The following DDX10 variants were observed in gnomAD, a reference collection of about 807,000 sequenced individuals.
The protein encoded by DDX10 is probable ATP-dependent RNA helicase DDX10.
Under a neutral mutation model 104.3 loss-of-function variants are expected in DDX10, and 74 were observed. The observed-to-expected ratio is 0.71, with a 90% CI of 0.59 to 0.86. DDX10 has a LOEUF of 0.86. Ranked by LOEUF, DDX10 falls within the 40% of genes least tolerant of loss-of-function variation. The pLI is 0.00. For synonymous variants in DDX10, 351 were observed against 353.4 expected (o/e 0.99, Z 0.08); for missense variants, 952 against 1,040.0 (o/e 0.92, Z 1.16).
intron 13 of DDX10, among the ~76,000 whole-genome samples, chr11:108,757,218 TG>T (rs1411474764): frequency 1.3e-5 from 2 of 152,074 alleles, no homozygotes; most frequent in Non-Finnish European, 2.9e-5. Flanking sequence ...CCTCTCTCTC[TG>T]CAAGAAATGT....
At chr11:108,772,672 C>T (rs1370271910) in intron 13 of DDX10, among the ~76,000 whole-genome samples, 1 of 152,212 alleles carries the variant, frequency 6.6e-6, no homozygotes, top group African/African-American at 2.4e-5. Flanking sequence ...AACCAGGCCA[C>T]ACAGCAGAAG....
At chr11:108,776,343 A>G (rs193224807) in intron 13 of DDX10, among the ~76,000 whole-genome samples, 3 of 152,278 alleles carry the variant, frequency 2.0e-5, no homozygotes, top group Middle Eastern at 3.4e-3. Context: ...GGAGGATTAT[A>G]CAGATATCTG....
chr11:108,794,981 C>T (rs1049484918), intron 13 of DDX10, among the ~76,000 whole-genome samples: 2 of 152,114 alleles, frequency 1.3e-5, no homozygotes, highest in Non-Finnish European at 2.9e-5. Flanking sequence ...GCATGTGCCA[C>T]TGTGCCTGGC....
intron 12 of DDX10, 149 bp from the exon 13 acceptor site, chr11:108,722,848 A>G (rs1378416645): frequency 1.3e-5 from 16 of 1,276,686 alleles, no homozygotes; most frequent in African/African-American, 6.0e-5. Flanking sequence ...TTTTGGATCA[A>G]CTAACCTGTT....
intron 13 of DDX10, among the ~76,000 whole-genome samples, chr11:108,747,084 A>G (rs2624128): frequency 0.12 from 18,703 of 152,142 alleles, 1,556 homozygotes; most frequent in East Asian, 0.27. Context: ...TTGAACATGT[A>G]TGTAAAGGGG....
chr11:108,784,401 A>G (rs1861758950), intron 13 of DDX10, among the ~76,000 whole-genome samples: 1 of 151,964 alleles, frequency 6.6e-6, no homozygotes, highest in Admixed American at 6.6e-5. Flanking sequence ...GCCCTCCTGA[A>G]CACCCGCTTG....
At chr11:108,738,013 T>C (rs1010984261) in intron 13 of DDX10, among the ~76,000 whole-genome samples, 2 of 152,140 alleles carry the variant, frequency 1.3e-5, no homozygotes, top group African/African-American at 4.8e-5. Flanking sequence ...AATTTCAAAA[T>C]GTTTGATATG....
At chr11:108,713,701 G>A (rs959341707) in intron 10 of DDX10, among the ~76,000 whole-genome samples, 5 of 152,076 alleles carry the variant, frequency 3.3e-5, no homozygotes, top group African/African-American at 9.7e-5. Context: ...CTTTTAGTAT[G>A]TCTTGTAATG....
At chr11:108,797,981 C>G (rs989975578) in intron 13 of DDX10, among the ~76,000 whole-genome samples, 3 of 152,194 alleles carry the variant, frequency 2.0e-5, no homozygotes, top group African/African-American at 7.2e-5. Flanking sequence ...AAACCGCAGT[C>G]TCCTCTTCGA....
At chr11:108,755,381 G>A (rs1591810078) in intron 13 of DDX10, among the ~76,000 whole-genome samples, 1 of 151,878 alleles carries the variant, frequency 6.6e-6, no homozygotes, top group Non-Finnish European at 1.5e-5. Flanking sequence ...TATCTTTTTG[G>A]TTATGATTTG....
At chr11:108,687,038 G>A (rs571681930) in intron 6 of DDX10, among the ~76,000 whole-genome samples, 26 of 152,294 alleles carry the variant, frequency 1.7e-4, no homozygotes, top group Non-Finnish European at 3.5e-4. Flanking sequence ...GCCTGCCTCA[G>A]CCTCCCAAAG....
intron 13 of DDX10, among the ~76,000 whole-genome samples, chr11:108,761,274 T>C (rs2094350533): frequency 6.6e-6 from 1 of 152,130 alleles, no homozygotes; most frequent in African/African-American, 2.4e-5. Context: ...AAAGGAAGCC[T>C]GCCTCTGTTT....
At chr11:108,722,413 T>A (rs905430293) in intron 12 of DDX10, among the ~76,000 whole-genome samples, 1 of 152,350 alleles carries the variant, frequency 6.6e-6, no homozygotes, top group South Asian at 2.1e-4. Context: ...CAATATTTTT[T>A]AATTTCTTTT....
At chr11:108,851,374 C>T (rs1234703715) in intron 15 of DDX10, among the ~76,000 whole-genome samples, 1 of 152,038 alleles carries the variant, frequency 6.6e-6, no homozygotes, top group Non-Finnish European at 1.5e-5. Context: ...GTCTGCTAAT[C>T]CTCAAAATCA....
intron 6 of DDX10, among the ~76,000 whole-genome samples, chr11:108,688,333 C>A (rs2094247486): frequency 6.6e-6 from 1 of 152,112 alleles, no homozygotes; most frequent in South Asian, 2.1e-4. Flanking sequence ...ACCATAAATA[C>A]CTTATACCAA....
chr11:108,737,197 C>G (rs995154529), intron 13 of DDX10, among the ~76,000 whole-genome samples: 1 of 152,144 alleles, frequency 6.6e-6, no homozygotes, highest in Non-Finnish European at 1.5e-5. Context: ...TGATCAGAAA[C>G]ATCTATGATT....
At chr11:108,927,272 G>A (rs565073534) in intron 17 of DDX10, among the ~76,000 whole-genome samples, 1 of 152,314 alleles carries the variant, frequency 6.6e-6, no homozygotes, top group Admixed American at 6.5e-5. Context: ...AGGCTGTACA[G>A]TGATGTCAAT....
At chr11:108,731,036 G>A (rs940914398) in intron 13 of DDX10, among the ~76,000 whole-genome samples, 2 of 151,576 alleles carry the variant, frequency 1.3e-5, no homozygotes, top group African/African-American at 2.4e-5. Flanking sequence ...AGTTGAAATA[G>A]AAAGGCTAAT....
chr11:108,825,064 G>A (rs1295276978), intron 13 of DDX10, among the ~76,000 whole-genome samples: 1 of 152,100 alleles, frequency 6.6e-6, no homozygotes, highest in Non-Finnish European at 1.5e-5. Context: ...AGTCAGATAG[G>A]GGTTGGGTGA....
Sources: gnomAD v4.1 joint callset for allele counts (sites outside exome capture counted in the v4.1 genomes callset) on GRCh38, gnomAD v4.1.1 for gene constraint, MANE v1.5 for transcripts, NCBI Gene and HGNC (gene_info 2026-07-23, HGNC 2026-07-21) for gene names.